The following SUGCT variants were observed in gnomAD, a reference collection of about 807,000 sequenced individuals.
The protein encoded by SUGCT is succinyl-CoA:glutarate CoA-transferase.
SUGCT carries 41 observed loss-of-function variants against 55.0 expected under a neutral mutation model. That is an observed-to-expected ratio of 0.74 (90% CI 0.58 to 0.97). The LOEUF is 0.97. SUGCT is among the 50% of genes least tolerant of loss of function. The pLI, the probability that SUGCT is intolerant of heterozygous loss-of-function variation, is 0.00. For missense variants in SUGCT, 568 were observed against 547.8 expected (o/e 1.04, Z -0.37); for synonymous variants, 187 against 200.4 (o/e 0.93, Z 0.56).
chr7:40,898,249 G>A, the SUGCT span, among the ~76,000 whole-genome samples: 2 of 152,050 alleles, frequency 1.3e-5, no homozygotes, highest in Non-Finnish European at 2.9e-5. Context: ...TTTCACTCGT[G>A]AGTTCAGAGA....
chr7:40,958,694 T>G, the SUGCT span, among the ~76,000 whole-genome samples: 1 of 152,052 alleles, frequency 6.6e-6, no homozygotes, highest in Non-Finnish European at 1.5e-5. Flanking sequence ...CTGTCCAGTT[T>G]CGTTCCCTTG....
intron 9 of SUGCT, among the ~76,000 whole-genome samples, chr7:40,423,108 G>A (rs1787400085): frequency 6.6e-6 from 1 of 152,118 alleles, no homozygotes; most frequent in Admixed American, 6.6e-5. Context: ...GAAACTATCA[G>A]TTGGCAGAAC....
rs79145202 is a variant in SUGCT, at chr7:40,743,270, G to C, written c.1090-6164G>C. Among the ~76,000 whole-genome samples, 607 of 152,302 alleles carry C rather than the reference G, an allele frequency of 4.0e-3. 3 individuals carry two copies. The highest frequency in any genetic ancestry group is 6.4e-3 in the Non-Finnish European group (433 of 68,012). The stretch of plus-strand genomic sequence containing the variant: ...TGTATTTTGGAAATTCAGTAAAACA[G>C]TTTTGTGTCTAGAGAACTCTAGGCA... On this transcript the variant is annotated intron_variant, in intron 12 of 13. Transcript: ENST00000335693.
intron 12 of SUGCT, among the ~76,000 whole-genome samples, chr7:40,724,574 C>G (rs1203715): frequency 0.38 from 56,818 of 151,084 alleles, 13,659 homozygotes; most frequent in African/African-American, 0.69. Context: ...AAAAAAAAAG[C>G]TCTGGGGGTC....
chr7:40,556,846 T>G (rs1358409424), intron 12 of SUGCT, among the ~76,000 whole-genome samples: 1 of 152,212 alleles, frequency 6.6e-6, no homozygotes, highest in East Asian at 1.9e-4. Flanking sequence ...AAAAATTGCG[T>G]TGAATGACAT....
intron 1 of SUGCT, among the ~76,000 whole-genome samples, chr7:40,170,331 T>G (rs1784611428): frequency 6.6e-6 from 1 of 152,228 alleles, no homozygotes; most frequent in South Asian, 2.1e-4. Context: ...ATCAAAGGAT[T>G]GTCCTAACCC....
chr7:40,360,502 T>G (rs1798101001), intron 9 of SUGCT, among the ~76,000 whole-genome samples: 1 of 152,116 alleles, frequency 6.6e-6, no homozygotes. Flanking sequence ...GAACAAGCAA[T>G]TGCCTCTGCC....
At chr7:40,504,383 G>A (rs6462984) in intron 12 of SUGCT, among the ~76,000 whole-genome samples, 45,188 of 152,000 alleles carry the variant, frequency 0.3, 9,113 homozygotes, top group African/African-American at 0.57. Context: ...GCCTCTGCCT[G>A]TGCTCCTGCC....
At chr7:40,425,947 T>C (rs1269774045) in intron 9 of SUGCT, among the ~76,000 whole-genome samples, 1 of 152,190 alleles carries the variant, frequency 6.6e-6, no homozygotes, top group African/African-American at 2.4e-5. Flanking sequence ...AGTAAATTTA[T>C]AATAATACAT....
intron 12 of SUGCT, among the ~76,000 whole-genome samples, chr7:40,745,888 G>A (rs765255148): frequency 5.3e-5 from 8 of 152,176 alleles, no homozygotes; most frequent in Non-Finnish European, 5.9e-5. Context: ...TATCTTAAGG[G>A]AAATTATAGC....
At chr7:40,828,325 G>A (rs1293861371) in intron 13 of SUGCT, among the ~76,000 whole-genome samples, 1 of 152,124 alleles carries the variant, frequency 6.6e-6, no homozygotes, top group Non-Finnish European at 1.5e-5. Context: ...GGGCTATAGG[G>A]CACATGGTCT....
intron 12 of SUGCT, among the ~76,000 whole-genome samples, chr7:40,711,083 A>G (rs1418256975): frequency 1.3e-5 from 2 of 152,230 alleles, no homozygotes; most frequent in African/African-American, 2.4e-5. Context: ...TCAAATGCCT[A>G]CCAGGGCTGG....
At chr7:40,273,361 T>G (rs1169280963) in intron 7 of SUGCT, among the ~76,000 whole-genome samples, 1 of 152,164 alleles carries the variant, frequency 6.6e-6, no homozygotes, top group African/African-American at 2.4e-5. Flanking sequence ...TGAAAATGAT[T>G]CAACAGAAGC....
the SUGCT span, among the ~76,000 whole-genome samples, chr7:40,956,106 C>G: frequency 2.0e-5 from 3 of 152,138 alleles, no homozygotes; most frequent in African/African-American, 7.2e-5. Context: ...TGTTGTGTCT[C>G]TGACAGGTTT....
At chr7:41,014,347 G>T in the SUGCT span, among the ~76,000 whole-genome samples, 92 of 152,270 alleles carry the variant, frequency 6.0e-4, no homozygotes, top group African/African-American at 2.1e-3. Flanking sequence ...ATAAAAGTCT[G>T]ATCATGACAG....
At chr7:40,373,665 C>T (rs933570837) in intron 9 of SUGCT, among the ~76,000 whole-genome samples, 1 of 152,044 alleles carries the variant, frequency 6.6e-6, no homozygotes, top group Non-Finnish European at 1.5e-5. Context: ...CTGGAAGTCA[C>T]ATGCAAGTTT....
At chr7:40,354,836 C>T (rs1797812679) in intron 9 of SUGCT, among the ~76,000 whole-genome samples, 1 of 152,208 alleles carries the variant, frequency 6.6e-6, no homozygotes, top group African/African-American at 2.4e-5. Context: ...ATAGTTAATA[C>T]TTTTGGTGCC....
At chr7:40,874,210 T>G in the SUGCT span, among the ~76,000 whole-genome samples, 1 of 152,212 alleles carries the variant, frequency 6.6e-6, no homozygotes, top group South Asian at 2.1e-4. Context: ...GTAGACACTA[T>G]GATGATGTTG....
At chr7:40,506,752 A>G (rs983948068) in intron 12 of SUGCT, among the ~76,000 whole-genome samples, 6 of 151,784 alleles carry the variant, frequency 4.0e-5, no homozygotes, top group Admixed American at 3.3e-4. Flanking sequence ...CATATTGCTT[A>G]TCTCTATTAA....
Sources: allele counts gnomAD v4.1 joint callset (sites outside exome capture counted in the v4.1 genomes callset), GRCh38; gene constraint gnomAD v4.1.1; transcripts MANE v1.5; gene names NCBI Gene and HGNC (gene_info 2026-07-23, HGNC 2026-07-21).